ZNF626: variants seen among roughly 807,000 people sequenced by gnomAD.
ZNF626 encodes zinc finger protein 626.
A neutral mutation model predicts 11.7 loss-of-function variants in ZNF626; 4 were observed. The ratio of observed to expected loss-of-function variants is 0.34; its 90% CI spans 0.17 to 0.78. The LOEUF is 0.78. ZNF626 is among the 30% of genes least tolerant of loss of function. The pLI is 0.57. For synonymous variants in ZNF626, 179 were observed against 198.6 expected (o/e 0.90, Z 0.83); for missense variants, 588 against 587.1 (o/e 1.00, Z -0.01).
At chr19:20,651,012 C>T (rs188861001) in intron 1 of ZNF626, among the ~76,000 whole-genome samples, 100 of 151,956 alleles carry the variant, frequency 6.6e-4, no homozygotes, top group African/African-American at 2.3e-3. Flanking sequence ...GATTTTGAAA[C>T]CCCGTCTCTA....
chr19:20,646,514 CT>C (rs1970080506), intron 1 of ZNF626, 109 bp from the exon 2 acceptor site: 3 of 1,562,356 alleles, frequency 1.9e-6, no homozygotes, highest in Non-Finnish European at 1.7e-6. Context: ...ACTTATAGGA[CT>C]GACTAAAATT....
At chr19:20,641,135 CAAA>C (rs141617081) in intron 3 of ZNF626, among the ~76,000 whole-genome samples, 59,610 of 111,432 alleles carry the variant, frequency 0.53, 13,412 homozygotes, top group African/African-American at 0.67. Flanking sequence ...GACTCCATCT[CAAA>C]AAAAAAAAAA....
intron 1 of ZNF626, among the ~76,000 whole-genome samples, chr19:20,661,198 G>A (rs1555773650): frequency 1.3e-5 from 2 of 152,084 alleles, no homozygotes; most frequent in South Asian, 2.1e-4. Flanking sequence ...CGGGTGCAGA[G>A]CTGCCCAGAG....
intron 3 of ZNF626, 144 bp downstream of exon 3, chr19:20,645,540 A>G: frequency 6.4e-7 from 1 of 1,554,304 alleles, no homozygotes; most frequent in Non-Finnish European, 8.7e-7. Context: ...AAACCAAACA[A>G]ACAAACAAAC....
chr19:20,646,881 CTT>C (rs1390957415), intron 1 of ZNF626, among the ~76,000 whole-genome samples: 2 of 151,864 alleles, frequency 1.3e-5, no homozygotes, highest in African/African-American at 2.4e-5. Flanking sequence ...GAGTTTCGCT[CTT>C]GTTGCCCAAG....
intron 3 of ZNF626, among the ~76,000 whole-genome samples, chr19:20,640,658 G>A (rs372146272): frequency 7.7e-5 from 11 of 143,558 alleles, no homozygotes; most frequent in South Asian, 2.2e-4. Flanking sequence ...ATAGAGAAAT[G>A]AAAAAAAAAA....
intron 1 of ZNF626, 122 bp downstream of exon 1, chr19:20,661,322 G>T: frequency 7.5e-7 from 1 of 1,334,040 alleles, no homozygotes; most frequent in Non-Finnish European, 1.1e-6. Flanking sequence ...AGCTGAGCAA[G>T]GAGAACTGGG....
In ZNF626 at chr19:20,650,030, AAAC is replaced by A. The variant is rs539276986; in HGVS notation, c.4-3628_4-3626del. Among the ~76,000 whole-genome samples, 63 of 152,348 alleles carry A rather than the reference AAAC, an allele frequency of 4.1e-4. 5 individuals are homozygous for A. In the South Asian group the frequency reaches 0.011, roughly 27 times the overall value. ...ATGTCTGAAGAAGTCTGGATTTAAA[AAAC>A]AACATGTACACACGTACTAATGCAA... On this transcript the variant is annotated intron_variant, in intron 1 of 3. Transcript: ENST00000601440.
intron 1 of ZNF626, among the ~76,000 whole-genome samples, chr19:20,651,623 G>C (rs782616456): frequency 4.6e-5 from 7 of 152,104 alleles, no homozygotes; most frequent in Non-Finnish European, 8.8e-5. Context: ...TTGTCAGCCT[G>C]ACACAATTCT....
Position 20,625,583 on chromosome 19 carries a change from C to G in ZNF626, c.294G>C (p.Val98=). Residue 98 remains valine, a synonymous_variant, in exon 4 of 4, where the codon GTG becomes GTC. Transcript: ENST00000601440. ...CACATTTTTCATATCTTCTCAGTACCACTTTTTGGAAAGAATCTTTCATGC... is the reference window on the plus strand; with the variant it reads ...CACATTTTTCATATCTTCTCAGTACGACTTTTTGGAAAGAATCTTTCATGC... ...EQSMKDSFQK[V]VLRRYEKCEH... 1.2e-6 allele frequency: 2 copies of G among 1,604,070 alleles called. No homozygotes were observed. Among genetic ancestry groups the G allele is most frequent in the Non-Finnish European group, 1.7e-6 (2 of 1,176,140 alleles).
intron 3 of ZNF626, among the ~76,000 whole-genome samples, chr19:20,636,796 G>A (rs1293463304): frequency 6.6e-6 from 1 of 152,116 alleles, no homozygotes; most frequent in African/African-American, 2.4e-5. Context: ...CAAGGTGGGT[G>A]GATTGTCTGA....
chr19:20,631,141 G>C (rs868917916), intron 3 of ZNF626, among the ~76,000 whole-genome samples: 11 of 152,118 alleles, frequency 7.2e-5, no homozygotes, highest in Middle Eastern at 3.2e-3. Flanking sequence ...CTGAGAGACA[G>C]TTTGTTATAA....
intron 3 of ZNF626, among the ~76,000 whole-genome samples, chr19:20,635,218 A>G (rs1448948436): frequency 1.3e-5 from 2 of 152,238 alleles, no homozygotes; most frequent in Non-Finnish European, 2.9e-5. Context: ...AAGTGCCACG[A>G]AATTGGATGA....
At chr19:20,625,876 C>A (rs1968384) in intron 3 of ZNF626, among the ~76,000 whole-genome samples, 120,681 of 152,030 alleles carry the variant, frequency 0.79, 48,853 homozygotes, top group Admixed American at 0.87. Flanking sequence ...CAGGTGAGCA[C>A]AATGCAAACG....
chr19:20,650,611 C>A (rs566725608), intron 1 of ZNF626, among the ~76,000 whole-genome samples: 1 of 152,122 alleles, frequency 6.6e-6, no homozygotes, highest in African/African-American at 2.4e-5. Flanking sequence ...TAGGGTCAGA[C>A]GTAAATAAGG....
chr19:20,651,097 G>C (rs1444112628), intron 1 of ZNF626, among the ~76,000 whole-genome samples: 3 of 150,750 alleles, frequency 2.0e-5, no homozygotes, highest in East Asian at 3.9e-4. Context: ...TGAGGCAGGA[G>C]AATCACTTGA....
rs148349107 is a variant in ZNF626 at position 20,635,143 on chromosome 19, A to G, written c.227-9493T>C. Among the ~76,000 whole-genome samples, 60 of 152,298 alleles carry G rather than the reference A, an allele frequency of 3.9e-4. 2 individuals are homozygous for G. The highest frequency in any genetic ancestry group is 1.4e-3 in the African/African-American group (58 of 41,572). On this transcript the variant is annotated intron_variant, in intron 3 of 3. Transcript: ENST00000601440. ...TAAAATAAGCCAGCCAGAAAAAGACAGAGATTATATGAGATATGTAAAGCA... is the reference window on the plus strand; with the variant it reads ...TAAAATAAGCCAGCCAGAAAAAGACGGAGATTATATGAGATATGTAAAGCA...
chr19:20,638,297 C>T (rs8110209), intron 3 of ZNF626, among the ~76,000 whole-genome samples: 67,653 of 151,096 alleles, frequency 0.45, 16,326 homozygotes, highest in African/African-American at 0.64. Flanking sequence ...TGGTGGCGGG[C>T]ACCTGTAATC....
chr19:20,647,165 A>T (rs2144785529), intron 1 of ZNF626, among the ~76,000 whole-genome samples: 1 of 152,262 alleles, frequency 6.6e-6, no homozygotes, highest in Non-Finnish European at 1.5e-5. Flanking sequence ...ATTTCTAATA[A>T]GCTCAACAGT....
Sources: gnomAD v4.1 joint callset for allele counts (sites outside exome capture counted in the v4.1 genomes callset) on GRCh38, gnomAD v4.1.1 for gene constraint, MANE v1.5 for transcripts, NCBI Gene and HGNC (gene_info 2026-07-23, HGNC 2026-07-21) for gene names.